ANKFY1: variants seen among roughly 807,000 people sequenced by gnomAD.
ANKFY1 encodes ankyrin repeat and FYVE domain containing 1.
Under a neutral mutation model 128.3 loss-of-function variants are expected in ANKFY1, and 47 were observed. The observed-to-expected ratio is 0.37, with a 90% CI of 0.29 to 0.47. The LOEUF (loss-of-function observed/expected upper bound fraction) is 0.47. Among genes scored for constraint, ANKFY1 ranks in the 20% least tolerant of loss-of-function variants. The pLI is 1.00. For missense variants in ANKFY1, 1,222 were observed against 1,510.6 expected (o/e 0.81, Z 3.17); for synonymous variants, 553 against 601.6 (o/e 0.92, Z 1.18).
intron 1 of ANKFY1, among the ~76,000 whole-genome samples, chr17:4,251,620 C>A (rs1967837305): frequency 6.8e-6 from 1 of 148,144 alleles, no homozygotes; most frequent in Non-Finnish European, 1.5e-5. Flanking sequence ...CAAAGATAAA[C>A]TGTTAAAAAA....
intron 11 of ANKFY1, among the ~76,000 whole-genome samples, chr17:4,189,172 G>A (rs1250492492): frequency 6.6e-6 from 1 of 152,174 alleles, no homozygotes; most frequent in Non-Finnish European, 1.5e-5. Flanking sequence ...CTACACAAAC[G>A]CTTAGGAAAT....
At chr17:4,250,712 G>C (rs1484580358) in intron 1 of ANKFY1, among the ~76,000 whole-genome samples, 2 of 151,986 alleles carry the variant, frequency 1.3e-5, no homozygotes, top group East Asian at 3.8e-4. Context: ...CTGTCACCCA[G>C]GCTGGGGTGC....
intron 1 of ANKFY1, among the ~76,000 whole-genome samples, chr17:4,260,770 AAAG>A (rs1431315801): frequency 1.3e-5 from 2 of 152,164 alleles, no homozygotes; most frequent in Non-Finnish European, 2.9e-5. Context: ...AGATGGAAGG[AAAG>A]AAGGTTGTTC....
At chr17:4,252,063 C>T (rs2143498526) in intron 1 of ANKFY1, among the ~76,000 whole-genome samples, 1 of 146,200 alleles carries the variant, frequency 6.8e-6, no homozygotes, top group African/African-American at 2.5e-5. Flanking sequence ...GACTTGTATA[C>T]AGATTATATT....
At chr17:4,212,677 A>T (rs1406985505) in intron 4 of ANKFY1, among the ~76,000 whole-genome samples, 1 of 152,132 alleles carries the variant, frequency 6.6e-6, no homozygotes, top group Non-Finnish European at 1.5e-5. Context: ...GATGGGCTTT[A>T]GGTAACAGAC....
intron 10 of ANKFY1, among the ~76,000 whole-genome samples, chr17:4,194,103 A>ATATATATATATTTTT (rs1555627694): frequency 9.2e-6 from 1 of 108,186 alleles, no homozygotes; most frequent in African/African-American, 4.9e-5. Flanking sequence ...ATATATATAT[A>ATATATATATATTTTT]TTTTTTTTTT....
intron 2 of ANKFY1, among the ~76,000 whole-genome samples, chr17:4,238,378 T>C (rs1240151985): frequency 6.6e-6 from 1 of 152,158 alleles, no homozygotes; most frequent in East Asian, 1.9e-4. Flanking sequence ...TTACCACATC[T>C]CGACAGCTTA....
At chr17:4,212,223 ATT>A (rs1317874594) in intron 4 of ANKFY1, among the ~76,000 whole-genome samples, 2 of 152,158 alleles carry the variant, frequency 1.3e-5, no homozygotes, top group South Asian at 2.1e-4. Context: ...GACATCCACC[ATT>A]GTTTTCCCTG....
chr17:4,200,570 G>A (rs2059910095), intron 7 of ANKFY1, among the ~76,000 whole-genome samples: 1 of 152,144 alleles, frequency 6.6e-6, no homozygotes, highest in South Asian at 2.1e-4. Flanking sequence ...TCTTCAGCTG[G>A]ATGATCCCCA....
intron 7 of ANKFY1, among the ~76,000 whole-genome samples, chr17:4,202,129 G>A (rs1207940472): frequency 6.6e-6 from 1 of 152,194 alleles, no homozygotes; most frequent in Non-Finnish European, 1.5e-5. Context: ...GTGGCCGGGC[G>A]CAGCGGCTCC....
At chr17:4,254,682 A>G (rs1968021924) in intron 1 of ANKFY1, among the ~76,000 whole-genome samples, 1 of 152,252 alleles carries the variant, frequency 6.6e-6, no homozygotes, top group African/African-American at 2.4e-5. Flanking sequence ...CAAACAAAAA[A>G]TTCTGTATAG....
chr17:4,230,792 C>T (rs544224433), intron 3 of ANKFY1, among the ~76,000 whole-genome samples: 1 of 152,250 alleles, frequency 6.6e-6, no homozygotes, highest in Non-Finnish European at 1.5e-5. Flanking sequence ...CAAATTTCTA[C>T]TTTGTTTACA....
intron 17 of ANKFY1, 163 bp from the exon 18 acceptor site, chr17:4,179,220 A>C: frequency 2.7e-6 from 2 of 734,238 alleles, no homozygotes; most frequent in African/African-American, 1.8e-5. Flanking sequence ...AAATGACTAA[A>C]TGTCACTTCC....
intron 2 of ANKFY1, among the ~76,000 whole-genome samples, chr17:4,239,096 A>C (rs531637428): frequency 1.4e-4 from 22 of 152,306 alleles, no homozygotes; most frequent in Admixed American, 1.3e-3. Context: ...ACTTGTTGGG[A>C]GTCCTAAGAT....
At chr17:4,202,262 G>C (rs190181757) in intron 7 of ANKFY1, among the ~76,000 whole-genome samples, 1 of 151,994 alleles carries the variant, frequency 6.6e-6, no homozygotes, top group African/African-American at 2.4e-5. Flanking sequence ...TTAGCCAAGC[G>C]TAGTGGCATG....
At chr17:4,261,281 G>A (rs933776096) in intron 1 of ANKFY1, among the ~76,000 whole-genome samples, 9 of 152,228 alleles carry the variant, frequency 5.9e-5, no homozygotes, top group Non-Finnish European at 8.8e-5. Flanking sequence ...CTGAGGTTGG[G>A]AGTTCAAGAC....
At chr17:4,215,136 A>G (rs2060198981) in intron 4 of ANKFY1, among the ~76,000 whole-genome samples, 1 of 152,030 alleles carries the variant, frequency 6.6e-6, no homozygotes, top group Non-Finnish European at 1.5e-5. Context: ...TAAAAATACA[A>G]AAATTAGCTG....
At position 4,234,936 on chromosome 17, in the gene ANKFY1, T is replaced by C. The variant is rs532169511; in HGVS notation, c.322+836A>G. On this transcript the variant is annotated intron_variant, in intron 3 of 24. Coordinates refer to ENST00000341657, the MANE Select transcript of ANKFY1 (RefSeq NM_001330063.2). ...AAATTAACATATCCACCATCTCACA[T>C]AGTAACCCAAACCTATTAAAATTCT... is the stretch of plus-strand genomic sequence containing the variant. 4.4e-4 allele frequency among the ~76,000 whole-genome samples: 67 copies of C among 152,350 alleles called. 2 individuals are homozygous for C. In the South Asian group the frequency reaches 0.013, roughly 30 times the overall value.
chr17:4,257,482 A>G (rs981970652), intron 1 of ANKFY1, among the ~76,000 whole-genome samples: 1 of 152,098 alleles, frequency 6.6e-6, no homozygotes, highest in African/African-American at 2.4e-5. Flanking sequence ...CATCCCACTA[A>G]TTCCTTCCAC....
Sources: allele counts gnomAD v4.1 joint callset (sites outside exome capture counted in the v4.1 genomes callset), GRCh38; gene constraint gnomAD v4.1.1; transcripts MANE v1.5; gene names NCBI Gene and HGNC (gene_info 2026-07-23, HGNC 2026-07-21).